Variants in REN observed in about 807,000 individuals in gnomAD.
REN encodes angiotensin-forming enzyme.
In REN, 42 loss-of-function variants were observed where a neutral mutation model predicts 48.6. That is an observed-to-expected ratio of 0.86 (90% CI 0.68 to 1.12). The LOEUF is 1.12. Among genes scored for constraint, REN ranks in the 50% most tolerant of loss-of-function variants. The pLI is 0.00. For missense variants in REN, 443 were observed against 527.3 expected (o/e 0.84, Z 1.57); for synonymous variants, 196 against 204.6 (o/e 0.96, Z 0.36).
chr1:204,160,441 C>T, intron 4 of REN, 119 bp downstream of exon 4: 2 of 767,442 alleles, frequency 2.6e-6, no homozygotes, highest in South Asian at 2.8e-5. Context: ...TGTTCCTCAG[C>T]TCCCCAGGCT....
At position 204,156,751 on chromosome 1, in the gene REN, G is replaced by C. The variant is rs747881047; in HGVS notation, c.744C>G (p.Asp248Glu). Residue 248 changes from aspartate (D) to glutamate (E), a missense_variant, in exon 7 of 10, where the codon GAC becomes GAG. Physicochemically the swap from Asp to Glu is conservative, Grantham distance 45. Coordinates refer to ENST00000272190, the MANE Select transcript of REN (RefSeq NM_000537.4). The surrounding 1 kb of genome is among the most constrained non-coding windows in gnomAD (Gnocchi z 4.2). ...GGAAATTCCCTTCGTAATGCTGGGG[G>C]TCGCTGCCTCCCAGCACAATCTGTC... ...LGGQIVLGGS[D>E]PQHYEGNFHY... The C allele has an allele frequency of 2.5e-6, 4 of 1,614,048 alleles. No individual in the cohort carries two copies. The Admixed American group carries it at 6.7e-5, about 27-fold the overall frequency.
Position 204,159,583 on chromosome 1 carries a change from T to C in REN, c.505A>G (p.Thr169Ala), listed in dbSNP as rs1166573542. The change falls in exon 5 of 10, where the codon ACG becomes GCG. Residue 169 changes from threonine (T) to alanine (A), a missense_variant. Transcript: ENST00000272190. ...ACCTCTCCAAACATCTGTGTCACCG[T>C]GATTCCACCCACCTGTGGGAGGAAG... ...SQDIITVGGI[T>A]VTQMFGEVTE... The C allele has an allele frequency of 6.2e-7, 1 of 1,614,006 alleles. No homozygotes were observed. The highest frequency in any genetic ancestry group is 2.2e-5 in the East Asian group (1 of 44,882).
chr1:204,157,250 G>A lies in REN; in HGVS notation c.698+111C>T, dbSNP rs3730102. The A allele has an allele frequency of 0.13, 186,736 of 1,407,184 alleles. 13,003 individuals carry two copies. The highest frequency in any genetic ancestry group is 0.19 in the Admixed American group (11,361 of 59,712). 87.2% of individuals were successfully genotyped at this position (1,407,184 alleles called of 1,614,324 possible). ...GAGACAGAGAACTTCGGCATCTAGC[G>A]GAGGCTGGGCTTGCTGATGTGAGTT... is the stretch of plus-strand genomic sequence containing the variant. On this transcript the variant is annotated intron_variant, in intron 6 of 9. Transcript: ENST00000272190.
In REN at chr1:204,164,537, C is replaced by T. The variant is rs1334990118; in HGVS notation, c.98+1659G>A. ...CCCCTTTCTCTGTGAGGCCTTTTCT[C>T]AAATGCTGTCTCTTCCCCTTCTTCA... On this transcript the variant is annotated intron_variant, in intron 1 of 9. Coordinates refer to ENST00000272190, the MANE Select transcript of REN (RefSeq NM_000537.4). Among the ~76,000 whole-genome samples, 4 of 147,788 alleles carry T rather than the reference C, an allele frequency of 2.7e-5. No homozygotes were observed. In the East Asian group the frequency reaches 6.3e-4, roughly 23 times the overall value.
At chr1:204,157,494 C>G in intron 5 of REN, 125 bp from the exon 6 acceptor site, 7 of 1,383,278 alleles carry the variant, frequency 5.1e-6, no homozygotes, top group Non-Finnish European at 7.2e-6. Context: ...CACCAAGAGG[C>G]GAAGTCACTT....
Position 204,156,535 on chromosome 1 carries a change from G to A in REN, c.818+142C>T. 7.3e-7 allele frequency: 1 copy of A among 1,374,036 alleles called. No homozygotes were observed. The allele number at this position is 1,374,036 out of a possible 1,614,324, so 85.1% of individuals were successfully genotyped here. A position where few individuals can be genotyped will look rare whatever the true frequency, so the allele number is the denominator to read the frequency against. On this transcript the variant is annotated intron_variant, in intron 7 of 9. Coordinates refer to ENST00000272190, the MANE Select transcript of REN (RefSeq NM_000537.4). The surrounding 1 kb of genome is among the most constrained non-coding windows in gnomAD (Gnocchi z 4.2). ...CTGTTCCCCAGCCTGGACAGAGCAG[G>A]CAGAGAGCAAATGGTGGCTGTGCTT... is the stretch of plus-strand genomic sequence containing the variant.
chr1:204,160,488 G>GC, intron 4 of REN, 72 bp downstream of exon 4: 1 of 997,600 alleles, frequency 1.0e-6, no homozygotes, highest in Non-Finnish European at 1.6e-6. Context: ...GCAGGTGTGG[G>GC]CCCTGGAGGG....
intron 6 of REN, 119 bp downstream of exon 6, chr1:204,157,242 C>T (rs1658166399): frequency 7.5e-7 from 1 of 1,335,760 alleles, no homozygotes; most frequent in Non-Finnish European, 1.1e-6. Context: ...AGAACTTCGG[C>T]ATCTAGCGGA....
rs752039608 is a variant in REN at position 204,155,204 on chromosome 1, A to T, written c.1060-27T>A. On this transcript the variant is annotated intron_variant, in intron 9 of 9. Transcript: ENST00000272190. The stretch of plus-strand genomic sequence containing the variant: ...TGGCAGGAAGGGGGAGAGTTTCTCC[A>T]TACCCAGCACATGAGCATTCTCCTT... The T allele has an allele frequency of 4.3e-6, 7 of 1,613,526 alleles. No individual in the cohort carries two copies. In the South Asian group the frequency reaches 7.7e-5, roughly 18 times the overall value.
At position 204,166,197 on chromosome 1, in the gene REN, G is replaced by T; in HGVS notation, c.97C>A (p.Arg33=). ...GLPTDTTTFK[R]IFLKRMPSIR... Reference sequence around the variant, plus strand: ...TTCTCTGCCTGAGTTACCAATTACCGTTTAAAGGTGGTGGTGTCTGTCGGG... The same window carrying T: ...TTCTCTGCCTGAGTTACCAATTACCTTTTAAAGGTGGTGGTGTCTGTCGGG... Residue 33 remains arginine (R), a splice_region_variant and synonymous_variant, in exon 1 of 10, where the codon CGG becomes AGG. Transcript: ENST00000272190. The T allele has an allele frequency of 3.7e-6, 6 of 1,613,776 alleles. No homozygotes were observed. The highest frequency in any genetic ancestry group is 5.1e-6 in the Non-Finnish European group (6 of 1,179,696).
chr1:204,155,049 A>G lies in REN; in HGVS notation c.1188T>C (p.Arg396=), dbSNP rs1262683675. ...CCAAGGCGAAGCCAATGCGGTTGTT[A>G]CGCCGATCAAACTCTGTGTAGAACT... ...IRKFYTEFDR[R]NNRIGFALAR is the part of the protein sequence containing the mutation. The change falls in exon 10 of 10, where the codon CGT becomes CGC. Residue 396 remains arginine (R), a synonymous_variant. Coordinates refer to ENST00000272190, the MANE Select transcript of REN (RefSeq NM_000537.4). The G allele has an allele frequency of 6.2e-7, 1 of 1,614,200 alleles. No individual in the cohort carries two copies. The highest frequency in any genetic ancestry group is 1.1e-5 in the South Asian group (1 of 91,088).
In REN at chr1:204,161,886, G is replaced by A. The variant is rs973519413; in HGVS notation, c.249+127C>T. On this transcript the variant is annotated intron_variant, in intron 2 of 9. Coordinates refer to ENST00000272190, the MANE Select transcript of REN (RefSeq NM_000537.4). Reference sequence around the variant, plus strand: ...CTGGAAAATGGGAATTTTCTAGGGTGCTCACGTGCTACTCAGCGCCTTCGT... The same window carrying A: ...CTGGAAAATGGGAATTTTCTAGGGTACTCACGTGCTACTCAGCGCCTTCGT... The A allele has an allele frequency of 4.3e-6, 5 of 1,164,796 alleles. No individual in the cohort carries two copies. In the Admixed American group the frequency reaches 1.1e-4, roughly 26 times the overall value. 72.2% of individuals were successfully genotyped at this position (1,164,796 alleles called of 1,614,324 possible).
In REN at chr1:204,156,043, G is replaced by T; in HGVS notation, c.961-125C>A. ...GGGGACAGTGCCCCGCCCCATGGGT[G>T]ACCAGCCACATGTGTGGAGAGTGTG... On this transcript the variant is annotated intron_variant, in intron 8 of 9. Coordinates refer to ENST00000272190, the MANE Select transcript of REN (RefSeq NM_000537.4). This position sits in a 1 kb window ranked among gnomAD's most constrained non-coding sequence, Gnocchi z 4.2. 1.4e-6 allele frequency: 2 copies of T among 1,472,818 alleles called. No individual in the cohort carries two copies. Among genetic ancestry groups the T allele is most frequent in the Admixed American group, 1.7e-5 (1 of 59,752 alleles). The allele number at this position is 1,472,818 out of a possible 1,614,324, so 91.2% of individuals were successfully genotyped here.
chr1:204,159,680 C>T (rs1658209508), intron 4 of REN, 85 bp from the exon 5 acceptor site: 5 of 1,128,198 alleles, frequency 4.4e-6, no homozygotes, highest in African/African-American at 1.5e-5. Flanking sequence ...CTAGGGATCC[C>T]AGGGGCACAC....
In REN at chr1:204,159,433, G is replaced by T; in HGVS notation, c.655C>A (p.Leu219Ile). 6.2e-7 allele frequency: 1 copy of T among 1,614,078 alleles called. No homozygotes were observed. Among genetic ancestry groups the T allele is most frequent in the Non-Finnish European group, 8.5e-7 (1 of 1,180,016 alleles). Residue 219 changes from leucine (L) to isoleucine (I), a missense_variant, in exon 5 of 10, where the codon CTA (leucine) becomes ATA (isoleucine). By Grantham distance (5) the Leu-to-Ile change is conservative. Transcript: ENST00000272190. ...TAGAAAGAGAAGACGTCCTCTTTTA[G>T]CACCCCTTGGGAGATGATGTTGTCG... ...IFDNIISQGV[L>I]KEDVFSFYYN...
In REN at chr1:204,155,846, G is replaced by A. The variant is rs774903315; in HGVS notation, c.1033C>T (p.Leu345Phe). ...TGAAATACATAGTCCGCGCTGGTGA[G>A]CGTGTATTCTTTGCCTCCCAGGTGG... The part of the protein sequence containing the change: ...SFHLGGKEYT[L>F]TSADYVFQES... The change falls in exon 9 of 10, where the codon CTC (leucine) becomes TTC (phenylalanine). Residue 345 changes from leucine to phenylalanine, a missense_variant. Leu to Phe is a conservative substitution (Grantham distance 22). Coordinates refer to ENST00000272190, the MANE Select transcript of REN (RefSeq NM_000537.4). 4.3e-6 allele frequency: 7 copies of A among 1,613,982 alleles called. No homozygotes were observed.
chr1:204,156,132 G>C lies in REN; in HGVS notation c.960+46C>G. 6.2e-7 allele frequency: 1 copy of C among 1,613,552 alleles called. No individual in the cohort carries two copies. Among genetic ancestry groups the C allele is most frequent in the Non-Finnish European group, 8.5e-7 (1 of 1,179,776 alleles). On this transcript the variant is annotated intron_variant, in intron 8 of 9. Coordinates refer to ENST00000272190, the MANE Select transcript of REN (RefSeq NM_000537.4). The surrounding 1 kb of genome is among the most constrained non-coding windows in gnomAD (Gnocchi z 4.2). ...TGGGGGATTTGTGAGCCGATACCAGGTGGCGCTCCCCCCACCCACAGCACC... is the reference window on the plus strand; with the variant it reads ...TGGGGGATTTGTGAGCCGATACCAGCTGGCGCTCCCCCCACCCACAGCACC...
At chr1:204,163,463 C>T (rs535627366) in intron 1 of REN, among the ~76,000 whole-genome samples, 22 of 152,336 alleles carry the variant, frequency 1.4e-4, no homozygotes, top group Admixed American at 7.8e-4. Context: ...CAGCTGGGAA[C>T]GTGGAGGGTC....
At chr1:204,158,105 C>A (rs555563449) in intron 5 of REN, among the ~76,000 whole-genome samples, 3 of 151,574 alleles carry the variant, frequency 2.0e-5, no homozygotes, top group African/African-American at 7.3e-5. Flanking sequence ...TCTCACCCCC[C>A]ACGCCACCCC....
Sources: gnomAD v4.1 joint callset for allele counts (sites outside exome capture counted in the v4.1 genomes callset) on GRCh38, gnomAD v4.1.1 for gene constraint, Gnocchi (gnomAD v3.1) non-coding constraint, MANE v1.5 for transcripts, NCBI Gene and HGNC (gene_info 2026-07-23, HGNC 2026-07-21) for gene names.